S100A8: variants seen among roughly 807,000 people sequenced by gnomAD.
S100A8 encodes the protein protein S100-A8.
A neutral mutation model predicts 4.2 loss-of-function variants in S100A8; 1 was observed. The observed-to-expected ratio is 0.24, with a 90% confidence interval of 0.08 to 1.12. The LOEUF is 1.12. Among genes scored for constraint, S100A8 ranks in the 50% most tolerant of loss-of-function variants. The probability of loss-of-function intolerance (pLI) is 0.53; values close to 1 mark genes in which losing one functional copy is unlikely to be tolerated. For missense variants in S100A8, 96 were observed against 111.8 expected (o/e 0.86, Z 0.64); for synonymous variants, 41 against 44.7 (o/e 0.92, Z 0.33).
rs192475448 is a variant in S100A8 at position 153,390,291 on chromosome 1, G to C, written c.142-48C>G. On this transcript the variant is annotated intron_variant, in intron 2 of 2. Transcript: ENST00000368733. The stretch of plus-strand genomic sequence containing the variant: ...AGCCAGAGTTTAAAGATCTCAGAGA[G>C]AGCCGAGGCATAGCCATCTATGAAG... 1.0e-4 allele frequency: 162 copies of C among 1,603,162 alleles called. No homozygotes were observed. The East Asian group carries it at 2.5e-3, about 25-fold the overall frequency.
At chr1:153,411,084 C>G in the S100A8 span, among the ~76,000 whole-genome samples, 1 of 152,200 alleles carries the variant, frequency 6.6e-6, no homozygotes, top group African/African-American at 2.4e-5. Flanking sequence ...CAGGGATGCC[C>G]TCTCTCACTA....
rs74115417 is a variant in S100A8 at position 153,390,636 on chromosome 1, C to T, written c.-22-79G>A. The T allele has an allele frequency of 4.4e-3, 6,809 of 1,541,452 alleles. 237 individuals are homozygous for T. In the African/African-American group the frequency reaches 0.078, roughly 18 times the overall value. ...AGGGCAGTACGCAGAGGATTCATGCCCCAAGCGATGGCCTTGTCCTGGCCT... is the reference window on the plus strand; with the variant it reads ...AGGGCAGTACGCAGAGGATTCATGCTCCAAGCGATGGCCTTGTCCTGGCCT... On this transcript the variant is annotated intron_variant, in intron 1 of 2. Coordinates refer to ENST00000368733, the MANE Select transcript of S100A8 (RefSeq NM_002964.5).
chr1:153,406,614 C>T, the S100A8 span, among the ~76,000 whole-genome samples: 5 of 152,200 alleles, frequency 3.3e-5, no homozygotes, highest in African/African-American at 4.8e-5. Flanking sequence ...TGCTTTCTGT[C>T]CTCTTCCCCC....
chr1:153,418,057 T>G, the S100A8 span: 2 of 1,612,912 alleles, frequency 1.2e-6, no homozygotes, highest in Non-Finnish European at 1.7e-6. Context: ...TTGTCTTTAT[T>G]TCCTGAAGGC....
the S100A8 span, among the ~76,000 whole-genome samples, chr1:153,407,152 G>C: frequency 4.5e-4 from 68 of 152,338 alleles, no homozygotes; most frequent in Middle Eastern, 3.4e-3. Context: ...CACAGAGCAT[G>C]AGCTGAAGCA....
the S100A8 span, among the ~76,000 whole-genome samples, chr1:153,409,318 G>A: frequency 6.6e-6 from 1 of 152,136 alleles, no homozygotes; most frequent in Admixed American, 6.5e-5. Flanking sequence ...AAAAAGCAGT[G>A]CTTGCAATCC....
chr1:153,397,838 G>T, the S100A8 span, among the ~76,000 whole-genome samples: 1 of 152,128 alleles, frequency 6.6e-6, no homozygotes, highest in African/African-American at 2.4e-5. Context: ...CCCTCACCTC[G>T]GCCCACCTTC....
In S100A8 at chr1:153,390,140, G is replaced by A. The variant is rs1662048625; in HGVS notation, c.245C>T (p.Ala82Val). The A allele has an allele frequency of 6.2e-7, 1 of 1,613,574 alleles. No individual in the cohort carries two copies. Among genetic ancestry groups the A allele is most frequent in the African/African-American group, 1.3e-5 (1 of 74,810 alleles). ...GCTTTCTTCATGGCTTTTTTTGTGG[G>A]CTGCCACGCCCATCTTTATCACCAG... ...LILVIKMGVA[A>V]HKKSHEESHK... Residue 82 changes from alanine (A) to valine (V), a missense_variant, in exon 3 of 3, where the codon GCC becomes GTC. Ala to Val is a moderately conservative substitution (Grantham distance 64). Transcript: ENST00000368733.
At chr1:153,418,409 G>A in the S100A8 span, among the ~76,000 whole-genome samples, 1 of 152,206 alleles carries the variant, frequency 6.6e-6, no homozygotes, top group Non-Finnish European at 1.5e-5. Flanking sequence ...ATGAAAATGG[G>A]AAAGAGTTAT....
chr1:153,405,943 C>G, the S100A8 span, among the ~76,000 whole-genome samples: 21 of 152,268 alleles, frequency 1.4e-4, no homozygotes, highest in Admixed American at 6.5e-4. Context: ...CTCTCTGTCC[C>G]GCTCCCCCAA....
At chr1:153,394,292 G>T (rs1662167759), upstream of S100A8, among the ~76,000 whole-genome samples, 1 of 152,168 alleles carries the variant, frequency 6.6e-6, no homozygotes, top group South Asian at 2.1e-4. Context: ...GCTCAGGCTG[G>T]GTGCCCCTGC....
chr1:153,403,216 A>C, the S100A8 span, among the ~76,000 whole-genome samples: 1 of 152,198 alleles, frequency 6.6e-6, no homozygotes, highest in East Asian at 1.9e-4. Flanking sequence ...TTTTAGTTTT[A>C]GCTCTTATGT....
the S100A8 span, among the ~76,000 whole-genome samples, chr1:153,405,944 G>A: frequency 5.3e-5 from 8 of 151,984 alleles, no homozygotes; most frequent in South Asian, 4.2e-4. Flanking sequence ...TCTCTGTCCC[G>A]CTCCCCCAAC....
At chr1:153,417,987 T>C in the S100A8 span, 2 of 1,554,548 alleles carry the variant, frequency 1.3e-6, no homozygotes, top group Non-Finnish European at 1.8e-6. Flanking sequence ...TACTCTGTCC[T>C]CAGCCCTCCT....
upstream of S100A8, among the ~76,000 whole-genome samples, chr1:153,395,887 C>G (rs1007768656): frequency 2.6e-5 from 4 of 152,266 alleles, no homozygotes; most frequent in East Asian, 7.7e-4. Context: ...ATCCTGGTCT[C>G]TTCCCAGGCT....
chr1:153,421,426 G>T, the S100A8 span: 3 of 152,204 alleles, frequency 2.0e-5, no homozygotes, highest in African/African-American at 7.2e-5. Flanking sequence ...CGGATCTCCT[G>T]GTTACCCAGC....
At chr1:153,394,005 T>G (rs1344707051), upstream of S100A8, among the ~76,000 whole-genome samples, 1 of 152,078 alleles carries the variant, frequency 6.6e-6, no homozygotes, top group East Asian at 1.9e-4. Flanking sequence ...CCTTGGGTGC[T>G]TTGGGGACAG....
At chr1:153,413,266 T>G in the S100A8 span, among the ~76,000 whole-genome samples, 7 of 152,260 alleles carry the variant, frequency 4.6e-5, no homozygotes, top group Non-Finnish European at 7.3e-5. Context: ...CACGTGTATA[T>G]AAATAAATTT....
intron 1 of S100A8, chr1:153,390,830 C>A: frequency 2.0e-6 from 1 of 510,250 alleles, no homozygotes; most frequent in Non-Finnish European, 3.2e-6. Flanking sequence ...CAAGAAAAGT[C>A]CAGCCTAGGA....
Sources: allele counts gnomAD v4.1 joint callset (sites outside exome capture counted in the v4.1 genomes callset), GRCh38; gene constraint gnomAD v4.1.1; transcripts MANE v1.5; gene names NCBI Gene and HGNC (gene_info 2026-07-23, HGNC 2026-07-21).